Variants in LUZP1 observed in about 807,000 individuals in gnomAD.
LUZP1 encodes the protein filamin mechanobinding actin cross-linking protein.
A neutral mutation model predicts 71.3 loss-of-function variants in LUZP1; 25 were observed. The ratio of observed to expected loss-of-function variants is 0.35; its 90% confidence interval spans 0.26 to 0.49. The LOEUF is 0.49. Among genes scored for constraint, LUZP1 ranks in the 20% least tolerant of loss-of-function variants. LUZP1 has a pLI of 0.99. For missense variants in LUZP1, 1,142 were observed against 1,300.8 expected (o/e 0.88, Z 1.88); for synonymous variants, 481 against 506.4 (o/e 0.95, Z 0.67).
chr1:23,104,972 T>A (rs1208739324), intron 3 of LUZP1, among the ~76,000 whole-genome samples: 1 of 152,140 alleles, frequency 6.6e-6, no homozygotes, highest in Non-Finnish European at 1.5e-5. Flanking sequence ...GAATTCAGAT[T>A]TCAAAAAAGA....
rs770575047 is a variant in LUZP1, at chr1:23,093,630, A to G, written c.632T>C (p.Ile211Thr). The G allele has an allele frequency of 6.2e-7, 1 of 1,611,132 alleles. No individual in the cohort carries two copies. The highest frequency in any genetic ancestry group is 1.1e-5 in the South Asian group (1 of 90,180). The change falls in exon 4 of 5, where the codon ATA becomes ACA. Residue 211 changes from isoleucine (I) to threonine (T), a missense_variant. By Grantham distance (89) the Ile-to-Thr change is moderately conservative. Transcript: ENST00000302291. The surrounding 1 kb of genome is among the most constrained non-coding windows in gnomAD (Gnocchi z 4.2). The stretch of plus-strand genomic sequence containing the variant: ...CTCTAGTTTTTGAGTGAGTTCTTTT[A>G]TCAATTTCTCATTTTCTTTCTCCTT...
chr1:23,171,066 G>A (rs1644549625), intron 1 of LUZP1, among the ~76,000 whole-genome samples: 1 of 149,442 alleles, frequency 6.7e-6, no homozygotes, highest in African/African-American at 2.5e-5. Flanking sequence ...CTACAGCCTG[G>A]TGACAGATCG....
At chr1:23,109,860 A>T (rs991632929) in intron 2 of LUZP1, among the ~76,000 whole-genome samples, 2 of 152,162 alleles carry the variant, frequency 1.3e-5, no homozygotes, top group African/African-American at 4.8e-5. Context: ...TCCTTGTTTT[A>T]CAGAAGGAAA....
At chr1:23,114,387 C>CA (rs1043728192) in intron 2 of LUZP1, among the ~76,000 whole-genome samples, 38 of 152,178 alleles carry the variant, frequency 2.5e-4, no homozygotes, top group African/African-American at 8.4e-4. Flanking sequence ...ACCAAAAAGC[C>CA]AACATGGTAA....
chr1:23,092,907 T>C, exon 4 of LUZP1: 1 of 1,613,902 alleles, frequency 6.2e-7, no homozygotes, highest in Non-Finnish European at 8.5e-7. Flanking sequence ...AAACCGGTCT[T>C]CAGTTTTCTT....
chr1:23,100,197 A>G (rs1050615758), intron 3 of LUZP1, among the ~76,000 whole-genome samples: 4 of 152,228 alleles, frequency 2.6e-5, no homozygotes, highest in Admixed American at 6.5e-5. Flanking sequence ...CACACAGGGA[A>G]TGCTGAAAAT....
At chr1:23,177,510 A>C (rs1644589812) in exon 1 of LUZP1, 1 of 152,340 alleles carries the variant, frequency 6.6e-6, no homozygotes, top group South Asian at 2.1e-4. Context: ...CTCAGGCCTC[A>C]GCATCTCACC....
intron 2 of LUZP1, among the ~76,000 whole-genome samples, chr1:23,151,112 C>T (rs181791587): frequency 8.5e-5 from 13 of 152,156 alleles, no homozygotes; most frequent in African/African-American, 3.1e-4. Flanking sequence ...GGTGCAATCT[C>T]GGCTCACTGC....
intron 2 of LUZP1, among the ~76,000 whole-genome samples, chr1:23,161,802 T>C (rs1441421074): frequency 1.3e-5 from 2 of 151,816 alleles, no homozygotes. Flanking sequence ...GGTGAGTGGA[T>C]CAAGAGGTCA....
chr1:23,155,772 C>T (rs1644416948), intron 2 of LUZP1, among the ~76,000 whole-genome samples: 1 of 152,140 alleles, frequency 6.6e-6, no homozygotes, highest in Non-Finnish European at 1.5e-5. Context: ...GCACTCACTC[C>T]AGCCTGGGCA....
At chr1:23,088,904 C>T in exon 5 of LUZP1, 1 of 1,614,122 alleles carries the variant, frequency 6.2e-7, no homozygotes, top group Non-Finnish European at 8.5e-7. Flanking sequence ...CTCAGTTCTC[C>T]TCAGCACAGG....
intron 1 of LUZP1, among the ~76,000 whole-genome samples, chr1:23,171,088 CA>C (rs66613866): frequency 0.024 from 3,320 of 141,258 alleles, 107 homozygotes; most frequent in African/African-American, 0.071. Context: ...GACCCTGTCT[CA>C]AAAAAAAAAA....
At chr1:23,167,327 T>C (rs774357726) in intron 2 of LUZP1, among the ~76,000 whole-genome samples, 9 of 152,186 alleles carry the variant, frequency 5.9e-5, no homozygotes, top group Non-Finnish European at 8.8e-5. Context: ...TGCAGCCGTC[T>C]GTAAAAGAAA....
At chr1:23,163,799 C>G (rs1329064481) in intron 2 of LUZP1, among the ~76,000 whole-genome samples, 3 of 152,156 alleles carry the variant, frequency 2.0e-5, no homozygotes, top group Non-Finnish European at 4.4e-5. Context: ...ATGACATAGA[C>G]CCCAAACCTG....
At chr1:23,136,925 T>C (rs1644259300) in intron 2 of LUZP1, among the ~76,000 whole-genome samples, 1 of 151,826 alleles carries the variant, frequency 6.6e-6, no homozygotes, top group Non-Finnish European at 1.5e-5. Flanking sequence ...CTCAAAAAAA[T>C]AAAATAAAAG....
chr1:23,157,906 G>A (rs1644432720), intron 2 of LUZP1, among the ~76,000 whole-genome samples: 1 of 151,706 alleles, frequency 6.6e-6, no homozygotes, highest in African/African-American at 2.4e-5. Context: ...TAGCTACTCA[G>A]GAGGCTGAGG....
At chr1:23,085,176 G>T (rs1041635633) in exon 5 of LUZP1, 5 of 152,512 alleles carry the variant, frequency 3.3e-5, no homozygotes, top group African/African-American at 4.8e-5. Flanking sequence ...TAAGGGGCAG[G>T]GGTGAGAGAG....
intron 2 of LUZP1, among the ~76,000 whole-genome samples, chr1:23,127,855 G>A (rs928108270): frequency 6.6e-6 from 1 of 152,114 alleles, no homozygotes; most frequent in Non-Finnish European, 1.5e-5. Flanking sequence ...AAAAGTGGCC[G>A]GGCGTGGTGG....
intron 2 of LUZP1, among the ~76,000 whole-genome samples, chr1:23,150,726 A>T (rs940494091): frequency 1.4e-4 from 21 of 152,162 alleles, no homozygotes; most frequent in African/African-American, 4.8e-4. Context: ...ATGAAGACAA[A>T]CATATCAAAA....
Sources: allele counts gnomAD v4.1 joint callset (sites outside exome capture counted in the v4.1 genomes callset), GRCh38; gene constraint gnomAD v4.1.1; non-coding constraint Gnocchi (gnomAD v3.1); transcripts MANE v1.5; gene names NCBI Gene and HGNC (gene_info 2026-07-23, HGNC 2026-07-21).